Variants in TTC28 observed in about 807,000 individuals in gnomAD.
The protein encoded by TTC28 is tetratricopeptide repeat domain 28, also known as tetratricopeptide repeat protein 28.
TTC28 carries 61 observed loss-of-function variants against 198.0 expected under a neutral mutation model. That is an observed-to-expected ratio of 0.31 (90% CI 0.25 to 0.38). TTC28 has a LOEUF of 0.38. TTC28 is among the 10% of genes least tolerant of loss of function. The pLI is 1.00. For missense variants in TTC28, 2,678 were observed against 3,164.0 expected, an observed-to-expected ratio of 0.85 and a Z score of 3.69; for synonymous variants, 1,171 against 1,297.8, an observed-to-expected ratio of 0.90 and a Z score of 2.10.
In TTC28 at chr22:28,629,737, T is replaced by G; in HGVS notation, c.196A>C (p.Asn66His). The change falls in exon 2 of 23, where the codon AAT (asparagine) becomes CAT (histidine). Residue 66 changes from asparagine to histidine, a missense_variant. Physicochemically the swap from Asn to His is moderately conservative, Grantham distance 68. Around this residue, in one of 8 missense-constraint regions of TTC28, gnomAD observed 176 missense variants for 197.9 expected, o/e 0.89. Coordinates refer to ENST00000397906, the MANE Select transcript of TTC28 (RefSeq NM_001145418.2). Reference protein sequence around the residue: ...AEFVEKVRQSNQACHDGDFHT... With the variant: ...AEFVEKVRQSHQACHDGDFHT... The stretch of plus-strand genomic sequence containing the variant: ...AAATCTCCATCATGACAGGCCTGAT[T>G]ACTCTGACGAACTTTCTCAACAAAT... 1 of 1,551,704 alleles carries G rather than the reference T, an allele frequency of 6.4e-7. No homozygotes were observed. Among genetic ancestry groups the G allele is most frequent in the Non-Finnish European group, 8.7e-7 (1 of 1,146,984 alleles).
At chr22:28,247,112 T>C (rs1013722560) in intron 5 of TTC28, among the ~76,000 whole-genome samples, 1 of 152,182 alleles carries the variant, frequency 6.6e-6, no homozygotes, top group Non-Finnish European at 1.5e-5. Flanking sequence ...AAGACACTAC[T>C]TTTTTCATAA....
rs1022365309 is a variant in TTC28 at position 28,216,223 on chromosome 22, T to C, written c.934-52624A>G. Among the ~76,000 whole-genome samples the C allele has an allele frequency of 2.0e-5, 3 of 152,214 alleles. No individual in the cohort carries two copies. In the South Asian group the frequency reaches 6.2e-4, roughly 31 times the overall value. On this transcript the variant is annotated intron_variant, in intron 5 of 22. Coordinates refer to ENST00000397906, the MANE Select transcript of TTC28 (RefSeq NM_001145418.2). ...AGGCTTAGAGTACACTATGAAGACC[T>C]GGCATATAACTAGTATAGTAGCTAT... is the stretch of plus-strand genomic sequence containing the variant.
At chr22:28,443,673 T>A (rs1326577917) in intron 2 of TTC28, among the ~76,000 whole-genome samples, 2 of 152,142 alleles carry the variant, frequency 1.3e-5, no homozygotes, top group Non-Finnish European at 2.9e-5. Context: ...TTCCTTCCCT[T>A]CAGTGCGAGC....
At chr22:28,207,055 C>T (rs1926467861) in intron 5 of TTC28, among the ~76,000 whole-genome samples, 2 of 152,104 alleles carry the variant, frequency 1.3e-5, no homozygotes, top group Middle Eastern at 3.4e-3. Context: ...GATAATCCCT[C>T]AAATGTAAAT....
chr22:28,205,959 C>T (rs1252123284), intron 5 of TTC28, among the ~76,000 whole-genome samples: 3 of 150,766 alleles, frequency 2.0e-5, no homozygotes, highest in African/African-American at 4.9e-5. Context: ...TTACAGGCCC[C>T]GGCTGCACAA....
At chr22:28,302,653 TGTTTTTGTTTTTTG>T (rs2045050333) in intron 3 of TTC28, among the ~76,000 whole-genome samples, 1 of 152,064 alleles carries the variant, frequency 6.6e-6, no homozygotes, top group African/African-American at 2.4e-5. Context: ...AAGAAGCCTA[TGTTTTTGTTTTTTG>T]GTTTTTGTTT....
At chr22:28,113,132 A>C (rs1467567494) in intron 6 of TTC28, among the ~76,000 whole-genome samples, 1 of 152,166 alleles carries the variant, frequency 6.6e-6, no homozygotes, top group African/African-American at 2.4e-5. Flanking sequence ...TGAGCTGCAC[A>C]AGCCAAGCAG....
intron 5 of TTC28, among the ~76,000 whole-genome samples, chr22:28,232,339 T>A (rs1008066218): frequency 7.9e-5 from 12 of 152,138 alleles, no homozygotes; most frequent in Admixed American, 4.6e-4. Context: ...TAAGAGTGAA[T>A]CTAAAGCCAA....
intron 5 of TTC28, among the ~76,000 whole-genome samples, chr22:28,284,566 C>T (rs2044644533): frequency 6.6e-6 from 1 of 151,850 alleles, no homozygotes; most frequent in Non-Finnish European, 1.5e-5. Flanking sequence ...AAACAATCAA[C>T]AAAATGAAAA....
At position 28,579,516 on chromosome 22, in the gene TTC28, T is replaced by C. The variant is rs113570419; in HGVS notation, c.381+50036A>G. On this transcript the variant is annotated intron_variant, in intron 2 of 22. Transcript: ENST00000397906. ...ATGTATAGTTATATATAGTTATATG[T>C]ATAGTTATATATAACTATATATTCA... 2.1e-4 allele frequency among the ~76,000 whole-genome samples: 32 copies of C among 149,070 alleles called. 1 individual carries two copies. The highest frequency in any genetic ancestry group is 7.6e-4 in the African/African-American group (31 of 40,956).
intron 12 of TTC28, among the ~76,000 whole-genome samples, chr22:28,086,002 G>T (rs1000310336): frequency 6.6e-6 from 1 of 152,126 alleles, no homozygotes; most frequent in African/African-American, 2.4e-5. Flanking sequence ...GGAGCACCCA[G>T]ATTCATAAAG....
At chr22:28,473,445 C>T (rs528299247) in intron 2 of TTC28, among the ~76,000 whole-genome samples, 1 of 152,262 alleles carries the variant, frequency 6.6e-6, no homozygotes, top group East Asian at 1.9e-4. Context: ...GCCCAATGGC[C>T]AGTTTACTAT....
intron 2 of TTC28, among the ~76,000 whole-genome samples, chr22:28,506,929 A>C (rs1180944319): frequency 6.6e-6 from 1 of 152,236 alleles, no homozygotes. Flanking sequence ...AAAAATTGAA[A>C]GTAGATAAAC....
intron 12 of TTC28, among the ~76,000 whole-genome samples, chr22:28,081,337 C>T (rs2146808243): frequency 6.6e-6 from 1 of 152,060 alleles, no homozygotes; most frequent in South Asian, 2.1e-4. Flanking sequence ...CATGCCACCA[C>T]ACTCAGCTAA....
chr22:28,518,998 G>A (rs1568994099), intron 2 of TTC28, among the ~76,000 whole-genome samples: 1 of 152,150 alleles, frequency 6.6e-6, no homozygotes. Flanking sequence ...TCAATTTCTA[G>A]CCACCCTCTG....
chr22:28,108,464 A>G (rs1306101220), intron 6 of TTC28, 61 bp from the exon 7 acceptor site: 2 of 1,339,252 alleles, frequency 1.5e-6, no homozygotes, highest in East Asian at 5.5e-5. Flanking sequence ...ATGTAGAAAG[A>G]AATGTAATTT....
intron 12 of TTC28, among the ~76,000 whole-genome samples, chr22:28,031,052 C>T (rs892141272): frequency 1.3e-5 from 2 of 152,220 alleles, no homozygotes; most frequent in Non-Finnish European, 2.9e-5. Context: ...TTTAACAGAA[C>T]ATCCCACAAT....
Position 28,107,665 on chromosome 22 carries a change from T to G in TTC28, c.2180A>C (p.Lys727Thr). ...LGNLGDIFIC[K>T]KDINGAIKFY... is the part of the protein sequence containing the mutation. ...TTTTATTGCACCATTTATATCTTTTTTACAGATGAATATATCGCCCAGGTT... is the reference window on the plus strand; with the variant it reads ...TTTTATTGCACCATTTATATCTTTTGTACAGATGAATATATCGCCCAGGTT... The change falls in exon 7 of 23, where the codon AAA becomes ACA. Residue 727 changes from lysine to threonine, a missense_variant. This residue lies in a region of TTC28 where 775 missense variants were observed against 845.9 expected (regional missense o/e 0.92). Coordinates refer to ENST00000397906, the MANE Select transcript of TTC28 (RefSeq NM_001145418.2). 6.4e-7 allele frequency: 1 copy of G among 1,551,764 alleles called. No individual in the cohort carries two copies. The highest frequency in any genetic ancestry group is 8.7e-7 in the Non-Finnish European group (1 of 1,146,998).
rs546156834 is a variant in TTC28, at chr22:28,281,398, T to C, written c.933+14800A>G. ...ATGTTTTATTAAATCCATCAATGAC[T>C]AATTTGATTTTAAATATTATATTTT... is the stretch of plus-strand genomic sequence containing the variant. On this transcript the variant is annotated intron_variant, in intron 5 of 22. Coordinates refer to ENST00000397906, the MANE Select transcript of TTC28 (RefSeq NM_001145418.2). 2.6e-5 allele frequency among the ~76,000 whole-genome samples: 4 copies of C among 151,890 alleles called. No individual in the cohort carries two copies. In the East Asian group the frequency reaches 5.8e-4, roughly 22 times the overall value.
Sources: allele counts gnomAD v4.1 joint callset (sites outside exome capture counted in the v4.1 genomes callset), GRCh38; gene constraint gnomAD v4.1.1; regional missense constraint gnomAD v4.1.1; transcripts MANE v1.5; gene names NCBI Gene and HGNC (gene_info 2026-07-23, HGNC 2026-07-21).